The following CUX1 variants were observed in gnomAD, a reference collection of about 807,000 sequenced individuals.
CUX1 encodes the protein protein CASP.
Under a neutral mutation model 158.8 loss-of-function variants are expected in CUX1, and 31 were observed. The ratio of observed to expected loss-of-function variants is 0.20; its 90% CI spans 0.15 to 0.26. CUX1 has a LOEUF of 0.26. CUX1 is among the 10% of genes least tolerant of loss of function. The pLI is 1.00. For synonymous variants in CUX1, 879 were observed against 862.1 expected, an observed-to-expected ratio of 1.02 and a Z score of -0.34; for missense variants, 1,589 against 2,014.6, an observed-to-expected ratio of 0.79 and a Z score of 4.04.
At chr7:102,137,542 A>T (rs1554499090) in intron 8 of CUX1, among the ~76,000 whole-genome samples, 1 of 152,120 alleles carries the variant, frequency 6.6e-6, no homozygotes, top group Admixed American at 6.6e-5. Context: ...AGGCTGAGGC[A>T]TGAGAATTGC....
At chr7:102,216,552 A>C (rs1554524633) in intron 20 of CUX1, among the ~76,000 whole-genome samples, 153 of 59,854 alleles carry the variant, frequency 2.6e-3, no homozygotes, top group South Asian at 5.5e-3. Flanking sequence ...ACACACCCAC[A>C]CACGCACACA....
At chr7:101,945,547 G>C (rs1000403334) in intron 2 of CUX1, among the ~76,000 whole-genome samples, 1 of 152,202 alleles carries the variant, frequency 6.6e-6, no homozygotes, top group East Asian at 1.9e-4. Flanking sequence ...CGGGGAGGCA[G>C]GTCATAGTCC....
At chr7:102,262,803 A>G (rs556389945), downstream of CUX1, among the ~76,000 whole-genome samples, 1 of 152,270 alleles carries the variant, frequency 6.6e-6, no homozygotes, top group African/African-American at 2.4e-5. Context: ...GCCGCGGGGT[A>G]GTATCCACTC....
chr7:102,200,176 C>G lies in CUX1; in HGVS notation c.2062+4C>G. 6.2e-7 allele frequency: 1 copy of G among 1,605,152 alleles called. No homozygotes were observed. The highest frequency in any genetic ancestry group is 8.5e-7 in the Non-Finnish European group (1 of 1,175,614). On this transcript the variant is annotated splice_donor_region_variant and intron_variant, in intron 17 of 23. Coordinates refer to ENST00000292535, the MANE Select transcript of CUX1 (RefSeq NM_181552.4). ...GAGCTCCAAGTGCAGAAAACTGGTACAGCTTCCATTTCTTCATCCACTGTC... is the reference window on the plus strand; with the variant it reads ...GAGCTCCAAGTGCAGAAAACTGGTAGAGCTTCCATTTCTTCATCCACTGTC...
chr7:102,241,578 C>A (rs1800218387), intron 23 of CUX1, among the ~76,000 whole-genome samples: 1 of 152,092 alleles, frequency 6.6e-6, no homozygotes, highest in Non-Finnish European at 1.5e-5. Context: ...ACTGGAGTTC[C>A]TAAAGGGGCC....
chr7:102,006,235 T>C (rs1335946242), intron 2 of CUX1, among the ~76,000 whole-genome samples: 1 of 152,110 alleles, frequency 6.6e-6, no homozygotes, highest in African/African-American at 2.4e-5. Context: ...GAGCCTCCAG[T>C]TGGAAACCTG....
chr7:102,189,287 A>T (rs916703491), intron 11 of CUX1, among the ~76,000 whole-genome samples: 9 of 148,100 alleles, frequency 6.1e-5, no homozygotes, highest in African/African-American at 2.0e-4. Context: ...TTGCTGTTTC[A>T]TGGCACTTCC....
intron 1 of CUX1, among the ~76,000 whole-genome samples, chr7:101,850,421 C>CTT (rs545679696): frequency 1.3e-4 from 14 of 104,622 alleles, no homozygotes; most frequent in South Asian, 9.3e-4. Context: ...TTCTTTCTTT[C>CTT]TTTTTTTTTT....
intron 9 of CUX1, among the ~76,000 whole-genome samples, chr7:102,165,350 C>CA (rs1790906902): frequency 9.5e-6 from 1 of 105,370 alleles, no homozygotes; most frequent in East Asian, 2.3e-4. Flanking sequence ...TAGGGGAAAG[C>CA]TTTTTTTTTT....
Position 102,201,815 on chromosome 7 carries a change from G to A in CUX1, c.2518G>A (p.Glu840Lys). ...GAGAAGAAATGCCGCCTCCTCCGAG[G>A]AGGCCAAGGCCGAAGAAACGGGCGG... ...PERRNAASSE[E>K]AKAEETGGGK... Residue 840 changes from glutamate (E) to lysine (K), a missense_variant, in exon 18 of 24, where the codon GAG (glutamate) becomes AAG (lysine). By Grantham distance (56) the Glu-to-Lys change is moderately conservative. This residue lies in a region of CUX1 where 337 missense variants were observed against 409.3 expected (regional missense o/e 0.82). Transcript: ENST00000292535. The surrounding 1 kb of genome is among the most constrained non-coding windows in gnomAD (Gnocchi z 5.0). The A allele has an allele frequency of 3.1e-6, 5 of 1,613,090 alleles. No homozygotes were observed. Among genetic ancestry groups the A allele is most frequent in the Non-Finnish European group, 3.4e-6 (4 of 1,179,924 alleles).
rs554643093 is a variant in CUX1 at position 101,991,001 on chromosome 7, C to T, written c.142-37097C>T. ...CCGCATCTTTACGGAGTCTCATCAA[C>T]GCTTTTTAAACCTCCCCTGGGATTT... On this transcript the variant is annotated intron_variant, in intron 2 of 23. Coordinates refer to ENST00000292535, the MANE Select transcript of CUX1 (RefSeq NM_181552.4). 8.5e-5 allele frequency among the ~76,000 whole-genome samples: 13 copies of T among 152,284 alleles called. No homozygotes were observed. In the East Asian group the frequency reaches 1.5e-3, roughly 18 times the overall value.
Position 102,227,459 on chromosome 7 carries a change from C to T in CUX1, c.3223C>T (p.Gln1075Ter). 1 of 1,614,096 alleles carries T rather than the reference C, an allele frequency of 6.2e-7. No individual in the cohort carries two copies. The highest frequency in any genetic ancestry group is 8.5e-7 in the Non-Finnish European group (1 of 1,180,020). ...ESVKSLTELV[Q>*]QPCPPIEASK... The stretch of plus-strand genomic sequence containing the variant: ...GGTGAAGAGCCTGACCGAGCTGGTC[C>T]AGCAGCCCTGTCCCCCCATCGAGGC... The change falls in exon 21 of 24, where the codon CAG (glutamine) becomes TAG (stop). Residue 1075 changes from glutamine (Q) to a stop codon, truncating the protein, a stop_gained. Transcript: ENST00000292535. LOFTEE classifies it high-confidence loss of function.
intron 1 of CUX1, among the ~76,000 whole-genome samples, chr7:101,821,017 G>T (rs1792410282): frequency 6.6e-6 from 1 of 152,196 alleles, no homozygotes; most frequent in Admixed American, 6.5e-5. Context: ...GGATACCTGT[G>T]AATGCCTGGA....
At chr7:102,204,927 C>A (rs1055984568) in intron 19 of CUX1, among the ~76,000 whole-genome samples, 187 bp from the exon 20 acceptor site, 1 of 152,238 alleles carries the variant, frequency 6.6e-6, no homozygotes, top group African/African-American at 2.4e-5. Flanking sequence ...ACAGGCGAAA[C>A]CTTTCACCTG....
At chr7:102,280,675 G>T in intron 19 of CUX1, 1 of 850,896 alleles carries the variant, frequency 1.2e-6, no homozygotes. Context: ...CAGCACCCTG[G>T]CAGCCCCCTG....
At chr7:101,947,216 A>G (rs985985388) in intron 2 of CUX1, among the ~76,000 whole-genome samples, 2 of 152,202 alleles carry the variant, frequency 1.3e-5, no homozygotes, top group Middle Eastern at 3.4e-3. Flanking sequence ...ATAGTGAGTG[A>G]GACCCTGTCT....
At position 102,254,366 on chromosome 7, in the gene CUX1, C is replaced by T. The variant is rs577736795; in HGVS notation, c.*5324C>T. On this transcript the variant is annotated 3_prime_UTR_variant, in exon 24 of 24. Coordinates refer to ENST00000292535, the MANE Select transcript of CUX1 (RefSeq NM_181552.4). ...TCTCTTGTCTCTGGCATGGTTTTAG[C>T]GTCACTGCGAACACTCCTTTGCAAA... The T allele has an allele frequency of 3.3e-5, 33 of 985,436 alleles. No individual in the cohort carries two copies. In the African/African-American group the frequency reaches 5.2e-4, roughly 16 times the overall value. 61.0% of individuals were successfully genotyped at this position (985,436 alleles called of 1,614,324 possible).
chr7:102,280,017 TC>T, intron 18 of CUX1: 5 of 1,556,874 alleles, frequency 3.2e-6, no homozygotes, highest in Non-Finnish European at 3.5e-6. Context: ...CTGGTTCTCT[TC>T]CCCTCCCTGT....
In CUX1 at chr7:102,282,738, G is replaced by A. The variant is rs151204833; in HGVS notation, c.1929G>A (p.Glu643=). The change falls in exon 22 of 23, where the codon GAG becomes GAA. Residue 643 remains glutamate (E), a synonymous_variant. Coordinates refer to the CUX1 transcript ENST00000292538. ...TGCTCTACAAGCTGGCATGGAGCGA[G>A]AGCATGGAGAGGGACTGTGCCACCT... 3.2e-5 allele frequency: 52 copies of A among 1,613,546 alleles called. No individual in the cohort carries two copies. In the African/African-American group the frequency reaches 6.5e-4, roughly 20 times the overall value.
Sources: allele counts gnomAD v4.1 joint callset (sites outside exome capture counted in the v4.1 genomes callset), GRCh38; gene constraint gnomAD v4.1.1; regional missense constraint gnomAD v4.1.1; non-coding constraint Gnocchi (gnomAD v3.1); transcripts MANE v1.5; gene names NCBI Gene and HGNC (gene_info 2026-07-23, HGNC 2026-07-21).